REXO1: variants seen among roughly 807,000 people sequenced by gnomAD.
REXO1 encodes RNA exonuclease 1 homolog, also known as REX1, RNA exonuclease 1 homolog.
REXO1 carries 42 observed loss-of-function variants against 102.6 expected under a neutral mutation model. That is an observed-to-expected ratio of 0.41 (90% CI 0.32 to 0.53). REXO1 has a LOEUF of 0.53. REXO1 is among the 20% of genes least tolerant of loss of function. REXO1 has a pLI of 0.27. For missense variants in REXO1, 1,819 were observed against 1,732.5 expected (o/e 1.05, Z -0.89); for synonymous variants, 908 against 779.1 (o/e 1.17, Z -2.76).
chr19:1,843,140 G>A (rs562273375), intron 1 of REXO1, among the ~76,000 whole-genome samples: 21 of 152,076 alleles, frequency 1.4e-4, no homozygotes, highest in Admixed American at 7.2e-4. Context: ...TCAACCCCCC[G>A]CCCGGAGGGT....
In REXO1 at chr19:1,847,607, G is replaced by C. The variant is rs185873971; in HGVS notation, c.157+595C>G. 3.0e-3 allele frequency among the ~76,000 whole-genome samples: 454 copies of C among 152,290 alleles called. 3 individuals are homozygous for C. The highest frequency in any genetic ancestry group is 4.6e-3 in the Non-Finnish European group (316 of 68,028). On this transcript the variant is annotated intron_variant, in intron 1 of 15. Transcript: ENST00000170168. Reference sequence around the variant, plus strand: ...GAGGTGGAGTCCACCAACGTCCTCTGCCCGACCAAAAGCATGGAATTCCTC... The same window carrying C: ...GAGGTGGAGTCCACCAACGTCCTCTCCCCGACCAAAAGCATGGAATTCCTC...
intron 5 of REXO1, among the ~76,000 whole-genome samples, 173 bp downstream of exon 5, chr19:1,821,344 CAA>C (rs879161137): frequency 7.6e-5 from 7 of 92,512 alleles, no homozygotes; most frequent in South Asian, 3.5e-4. Context: ...GACTCCATCT[CAA>C]AAAAAAAAAA....
Position 1,826,755 on chromosome 19 carries a change from C to T in REXO1, c.1911+123G>A, listed in dbSNP as rs1452962891. The T allele has an allele frequency of 2.7e-6, 4 of 1,464,840 alleles. No homozygotes were observed. Among genetic ancestry groups the T allele is most frequent in the African/African-American group, 1.4e-5 (1 of 69,872 alleles). The allele number at this position is 1,464,840 out of a possible 1,614,324, so 90.7% of individuals were successfully genotyped here. On this transcript the variant is annotated intron_variant, in intron 2 of 15. Transcript: ENST00000170168. The surrounding 1 kb of genome is among the most constrained non-coding windows in gnomAD (Gnocchi z 4.3). Reference sequence around the variant, plus strand: ...ATTTCAACGGGCTCAGGGACCAGCACTGAGGAGCTGCCTCCACCCCGTGCC... The same window carrying T: ...ATTTCAACGGGCTCAGGGACCAGCATTGAGGAGCTGCCTCCACCCCGTGCC...
Position 1,818,462 on chromosome 19 carries a change from G to A in REXO1, c.3016+20C>T. The A allele has an allele frequency of 1.3e-6, 2 of 1,562,698 alleles. No individual in the cohort carries two copies. The highest frequency in any genetic ancestry group is 1.2e-5 in the South Asian group (1 of 86,022). Reference sequence around the variant, plus strand: ...CGGGGGCCATGGGTGGGAAGGGGAAGGACCCGGGTAAGGCCTTACCCCGGT... The same window carrying A: ...CGGGGGCCATGGGTGGGAAGGGGAAAGACCCGGGTAAGGCCTTACCCCGGT... On this transcript the variant is annotated intron_variant, in intron 10 of 15. Transcript: ENST00000170168.
At chr19:1,843,723 GCTCA>G (rs1220579285) in intron 1 of REXO1, among the ~76,000 whole-genome samples, 1 of 152,244 alleles carries the variant, frequency 6.6e-6, no homozygotes, top group African/African-American at 2.4e-5. Context: ...CCTGGACGCG[GCTCA>G]CTGAGGATGA....
At chr19:1,836,227 C>A (rs116376019) in intron 1 of REXO1, among the ~76,000 whole-genome samples, 3 of 152,192 alleles carry the variant, frequency 2.0e-5, no homozygotes, top group African/African-American at 7.2e-5. Flanking sequence ...CAACCCCACA[C>A]GGAGACTGAA....
chr19:1,843,721 C>A (rs905790442), intron 1 of REXO1, among the ~76,000 whole-genome samples: 1 of 152,242 alleles, frequency 6.6e-6, no homozygotes, highest in Non-Finnish European at 1.5e-5. Flanking sequence ...TTCCTGGACG[C>A]GGCTCACTGA....
chr19:1,829,052 C>T (rs72975609), intron 1 of REXO1, among the ~76,000 whole-genome samples: 1 of 152,208 alleles, frequency 6.6e-6, no homozygotes, highest in Non-Finnish European at 1.5e-5. Flanking sequence ...CACAGCCTGA[C>T]GGTGGACACA....
At chr19:1,847,456 A>AT (rs1242821229) in intron 1 of REXO1, among the ~76,000 whole-genome samples, 3 of 151,882 alleles carry the variant, frequency 2.0e-5, no homozygotes, top group South Asian at 4.2e-4. Context: ...GGGAGTCTGA[A>AT]TGACATCACA....
At chr19:1,835,576 A>G (rs1380827936) in intron 1 of REXO1, among the ~76,000 whole-genome samples, 6 of 152,052 alleles carry the variant, frequency 3.9e-5, no homozygotes, top group Admixed American at 2.6e-4. Flanking sequence ...ACACACACAC[A>G]TACATAAATG....
At chr19:1,841,045 C>G (rs546715124) in intron 1 of REXO1, among the ~76,000 whole-genome samples, 1 of 152,180 alleles carries the variant, frequency 6.6e-6, no homozygotes, top group South Asian at 2.1e-4. Context: ...AAAAACCTCT[C>G]GGAGCCTAAG....
chr19:1,826,054 G>A lies in REXO1; in HGVS notation c.1912-111C>T, dbSNP rs2069710297. On this transcript the variant is annotated intron_variant, in intron 2 of 15. Transcript: ENST00000170168. This position sits in a 1 kb window ranked among gnomAD's most constrained non-coding sequence, Gnocchi z 4.3. ...GGGGAATGGAACAGTCCAGCCCCCA[G>A]GCACAGCAGCTGAGGGCTCAGGGCC... 6 of 745,932 alleles carry A rather than the reference G, an allele frequency of 8.0e-6. No individual in the cohort carries two copies. The allele number at this position is 745,932 out of a possible 1,614,324, so 46.2% of individuals were successfully genotyped here.
At chr19:1,821,216 G>T (rs2069527158) in intron 5 of REXO1, among the ~76,000 whole-genome samples, 1 of 151,410 alleles carries the variant, frequency 6.6e-6, no homozygotes, top group African/African-American at 2.4e-5. Flanking sequence ...GTGGTGGCGG[G>T]CGCCTGTAGT....
Position 1,819,189 on chromosome 19 carries a change from C to T in REXO1, c.2651-58G>A, listed in dbSNP as rs565868102. 4.7e-4 allele frequency: 631 copies of T among 1,328,644 alleles called. 4 individuals are homozygous for T. The African/African-American group carries it at 7.2e-3, about 15-fold the overall frequency. 82.3% of individuals were successfully genotyped at this position (1,328,644 alleles called of 1,614,324 possible). A position where few individuals can be genotyped will look rare whatever the true frequency, so the allele number is the denominator to read the frequency against. ...GAAGTAGCTGGCTCAGACCCCTGCC[C>T]CGCCTGCTCTCCCACCCACCCTGCC... On this transcript the variant is annotated intron_variant, in intron 7 of 15. Coordinates refer to ENST00000170168, the MANE Select transcript of REXO1 (RefSeq NM_020695.4).
intron 1 of REXO1, among the ~76,000 whole-genome samples, chr19:1,837,225 G>A (rs572312195): frequency 2.0e-5 from 3 of 152,330 alleles, no homozygotes; most frequent in South Asian, 2.1e-4. Context: ...CACCTCCTGC[G>A]GACGGCAGAG....
rs117819413 is a variant in REXO1, at chr19:1,825,896, G to A, written c.1959C>T (p.Thr653=). The A allele has an allele frequency of 8.5e-3, 13,646 of 1,612,616 alleles. 118 individuals carry two copies. The highest frequency in any genetic ancestry group is 0.01 in the Middle Eastern group (63 of 6,060). Residue 653 remains threonine (T), a synonymous_variant, in exon 3 of 16, where the codon ACC becomes ACT. Transcript: ENST00000170168. ...KSEEKGLSGL[T]TLFPGQKRRI... Reference sequence around the variant, plus strand: ...TCCTCTTCTGCCCGGGGAACAGAGTGGTCAGACCCGAAAGCCCCTTCTCCT... The same window carrying A: ...TCCTCTTCTGCCCGGGGAACAGAGTAGTCAGACCCGAAAGCCCCTTCTCCT...
intron 1 of REXO1, among the ~76,000 whole-genome samples, chr19:1,832,304 C>T (rs937777798): frequency 1.3e-5 from 2 of 152,252 alleles, no homozygotes; most frequent in African/African-American, 4.8e-5. Flanking sequence ...TGACTTTGGA[C>T]TTCCCAGCCC....
At chr19:1,824,672 A>G (rs4439888) in intron 3 of REXO1, 150,638 of 152,364 alleles carry the variant, frequency 0.99, 74,478 homozygotes, top group East Asian at 1. Context: ...AATTTATGGT[A>G]AAACTTGGGT....
Position 1,827,497 on chromosome 19 carries a change from T to G in REXO1, c.1292A>C (p.Glu431Ala), listed in dbSNP as rs770120141. ...SSPRRKAERP[E>A]GTKKKPSSAT... ...CGAAGATGGCTTCTTCTTGGTCCCTTCCGGCCGCTCTGCCTTGCGCCGGGG... is the reference window on the plus strand; with the variant it reads ...CGAAGATGGCTTCTTCTTGGTCCCTGCCGGCCGCTCTGCCTTGCGCCGGGG... Residue 431 changes from glutamate (E) to alanine (A), a missense_variant, in exon 2 of 16, where the codon GAA becomes GCA. Physicochemically the swap from Glu to Ala is moderately radical, Grantham distance 107. Transcript: ENST00000170168. The G allele has an allele frequency of 6.3e-7, 1 of 1,580,690 alleles. No individual in the cohort carries two copies. Among genetic ancestry groups the G allele is most frequent in the East Asian group, 2.2e-5 (1 of 44,560 alleles).
Sources: allele counts gnomAD v4.1 joint callset (sites outside exome capture counted in the v4.1 genomes callset), GRCh38; gene constraint gnomAD v4.1.1; non-coding constraint Gnocchi (gnomAD v3.1); transcripts MANE v1.5; gene names NCBI Gene and HGNC (gene_info 2026-07-23, HGNC 2026-07-21).